The following TANC1 variants were observed in gnomAD, a reference collection of about 807,000 sequenced individuals.
The protein encoded by TANC1 is protein TANC1.
In TANC1, 77 loss-of-function variants were observed where a neutral mutation model predicts 149.7. The observed-to-expected ratio is 0.51, with a 90% CI of 0.43 to 0.62. The LOEUF is 0.62. Ranked by LOEUF, TANC1 falls within the 20% of genes least tolerant of loss-of-function variation. The probability of loss-of-function intolerance (pLI) is 0.00; values close to 1 mark genes in which losing one functional copy is unlikely to be tolerated. For synonymous variants in TANC1, 854 were observed against 925.0 expected (o/e 0.92, Z 1.39); for missense variants, 1,985 against 2,321.8 (o/e 0.85, Z 2.98).
At chr2:159,227,590 C>T in intron 24 of TANC1, 4 of 523,692 alleles carry the variant, frequency 7.6e-6, no homozygotes, top group Non-Finnish European at 1.3e-5. Context: ...AAACCAGCTT[C>T]TTTCTCACTG....
At chr2:159,140,608 G>A (rs151145026) in intron 5 of TANC1, among the ~76,000 whole-genome samples, 15 of 152,094 alleles carry the variant, frequency 9.9e-5, no homozygotes, top group Middle Eastern at 3.4e-3. Flanking sequence ...TGTATATGGC[G>A]TGACTGTAAT....
At chr2:159,171,479 C>G (rs940765505) in intron 10 of TANC1, among the ~76,000 whole-genome samples, 2 of 152,080 alleles carry the variant, frequency 1.3e-5, no homozygotes, top group African/African-American at 4.8e-5. Context: ...AAAAAATTCA[C>G]CAGTCATAGT....
chr2:159,196,096 T>C (rs988317878), intron 17 of TANC1, among the ~76,000 whole-genome samples: 2 of 152,218 alleles, frequency 1.3e-5, no homozygotes, highest in Admixed American at 1.3e-4. Flanking sequence ...TGAGACCTCC[T>C]TCCCAATCAG....
intron 19 of TANC1, among the ~76,000 whole-genome samples, chr2:159,207,916 G>T (rs1260418354): frequency 6.6e-6 from 1 of 151,810 alleles, no homozygotes; most frequent in Non-Finnish European, 1.5e-5. Flanking sequence ...TTTACAAATG[G>T]CATGGTATGT....
chr2:158,984,926 C>A (rs1166535918), intron 1 of TANC1, among the ~76,000 whole-genome samples: 1 of 152,112 alleles, frequency 6.6e-6, no homozygotes, highest in Non-Finnish European at 1.5e-5. Flanking sequence ...GCCTTGCATG[C>A]CAGGCTAAGA....
At chr2:159,225,614 G>T in intron 23 of TANC1, 74 bp from the exon 24 acceptor site, 1 of 1,218,680 alleles carries the variant, frequency 8.2e-7, no homozygotes, top group South Asian at 1.2e-5. Flanking sequence ...ACCTCCAGCC[G>T]TGGGGCCACG....
intron 6 of TANC1, 107 bp from the exon 7 acceptor site, chr2:159,150,263 C>T (rs1447132508): frequency 4.7e-6 from 4 of 858,522 alleles, no homozygotes; most frequent in Non-Finnish European, 7.0e-6. Flanking sequence ...TTTTTTAAAA[C>T]TTCCGTTTTC....
chr2:159,179,250 T>C, intron 14 of TANC1, 87 bp downstream of exon 14: 1 of 1,479,834 alleles, frequency 6.8e-7, no homozygotes, highest in Non-Finnish European at 9.1e-7. Flanking sequence ...CGTGTCTCAA[T>C]GGAAGGGCAA....
rs1055563866 is a variant in TANC1 at position 159,231,872 on chromosome 2, T to C, written c.*860T>C. On this transcript the variant is annotated 3_prime_UTR_variant, in exon 27 of 27. Transcript: ENST00000263635. ...TCCTTCCAAGCTCCTCTAAGGACAA[T>C]ATTTAATTCAGATACTAAAGGTAAG... The C allele has an allele frequency of 6.6e-6, 1 of 152,248 alleles. No individual in the cohort carries two copies. The highest frequency in any genetic ancestry group is 2.4e-5 in the African/African-American group (1 of 41,452). The allele number at this position is 152,248 out of a possible 1,614,324, so 9.4% of individuals were successfully genotyped here. A position where few individuals can be genotyped will look rare whatever the true frequency, so the allele number is the denominator to read the frequency against.
chr2:159,012,130 A>G (rs1450251163), intron 2 of TANC1, among the ~76,000 whole-genome samples: 2 of 152,252 alleles, frequency 1.3e-5, no homozygotes, highest in African/African-American at 2.4e-5. Context: ...GACCCCAATC[A>G]TAAATGCTCT....
At chr2:159,079,464 A>G (rs1268465769) in intron 3 of TANC1, among the ~76,000 whole-genome samples, 1 of 151,128 alleles carries the variant, frequency 6.6e-6, no homozygotes, top group Non-Finnish European at 1.5e-5. Context: ...GCTTAAGACT[A>G]CATAGTTACT....
intron 2 of TANC1, among the ~76,000 whole-genome samples, chr2:159,057,176 A>G (rs2041917118): frequency 6.6e-6 from 1 of 152,158 alleles, no homozygotes; most frequent in Non-Finnish European, 1.5e-5. Flanking sequence ...GATCCTCCCA[A>G]AGTGCTGGGA....
chr2:159,176,605 A>G, intron 13 of TANC1, 87 bp downstream of exon 13: 4 of 1,039,682 alleles, frequency 3.8e-6, no homozygotes, highest in South Asian at 1.5e-5. Context: ...GTTGTAAACC[A>G]TTCAGCTGCT....
rs531048792 is a variant in TANC1 at position 159,216,595 on chromosome 2, G to A, written c.3245-902G>A. Among the ~76,000 whole-genome samples, 13 of 152,308 alleles carry A rather than the reference G, an allele frequency of 8.5e-5. 1 individual carries two copies. The highest frequency in any genetic ancestry group is 7.8e-4 in the Admixed American group (12 of 15,298). ...GCTTATTACCCCCAAATTAAGAATC[G>A]GGGAGTGGGGATGCCCAGGCTGACG... On this transcript the variant is annotated intron_variant, in intron 19 of 26. Coordinates refer to ENST00000263635, the MANE Select transcript of TANC1 (RefSeq NM_033394.3).
At chr2:159,184,023 G>A (rs536921220) in intron 14 of TANC1, among the ~76,000 whole-genome samples, 2 of 152,292 alleles carry the variant, frequency 1.3e-5, no homozygotes, top group South Asian at 2.1e-4. Context: ...CTCAAGCTCC[G>A]CAGGTTAAGA....
At chr2:159,071,319 C>T (rs1330261116) in intron 3 of TANC1, among the ~76,000 whole-genome samples, 1 of 152,068 alleles carries the variant, frequency 6.6e-6, no homozygotes, top group Non-Finnish European at 1.5e-5. Flanking sequence ...TATGTTAAGT[C>T]TTTTATTTGT....
intron 26 of TANC1, among the ~76,000 whole-genome samples, chr2:159,229,211 A>G (rs1368827184): frequency 1.3e-5 from 2 of 152,150 alleles, no homozygotes; most frequent in African/African-American, 4.8e-5. Flanking sequence ...TAGGGACATT[A>G]GGAAGTTCAG....
intron 4 of TANC1, 38 bp from the exon 5 acceptor site, chr2:159,136,156 G>A (rs374148214): frequency 7.2e-6 from 9 of 1,256,964 alleles, no homozygotes; most frequent in Non-Finnish European, 1.1e-5. Flanking sequence ...GTTTGCATCT[G>A]GAAAAAATTA....
intron 17 of TANC1, among the ~76,000 whole-genome samples, chr2:159,196,036 T>C (rs1280837448): frequency 6.6e-6 from 1 of 152,198 alleles, no homozygotes; most frequent in Non-Finnish European, 1.5e-5. Flanking sequence ...GCCCTGACTT[T>C]GTGGCCGCCC....
Sources: gnomAD v4.1 joint callset for allele counts (sites outside exome capture counted in the v4.1 genomes callset) on GRCh38, gnomAD v4.1.1 for gene constraint, MANE v1.5 for transcripts, NCBI Gene and HGNC (gene_info 2026-07-23, HGNC 2026-07-21) for gene names.